The following EDDM3A variants were observed in gnomAD, a reference collection of about 807,000 sequenced individuals.
EDDM3A encodes the protein epididymal protein 3A, also known as epididymal secretory protein E3-alpha.
For missense variants in EDDM3A, 199 were observed against 177.4 expected (o/e 1.12, Z -0.69); for synonymous variants, 75 against 60.4 (o/e 1.24, Z -1.12).
chr14:20,745,424 GT>G (rs1193260344), upstream of EDDM3A, among the ~76,000 whole-genome samples: 1 of 151,706 alleles, frequency 6.6e-6, no homozygotes, highest in Non-Finnish European at 1.5e-5. Context: ...TACTCAGGAG[GT>G]TGAGGCAAGA....
At chr14:20,739,508 G>A in the EDDM3A span, among the ~76,000 whole-genome samples, 32 of 152,168 alleles carry the variant, frequency 2.1e-4, no homozygotes, top group Non-Finnish European at 3.2e-4. Flanking sequence ...TGAGATCCAA[G>A]CTAGGCTAAC....
At chr14:20,746,060 T>A (rs1877576922) in intron 1 of EDDM3A, 68 bp downstream of exon 1, 1 of 152,190 alleles carries the variant, frequency 6.6e-6, no homozygotes, top group Non-Finnish European at 1.5e-5. Flanking sequence ...TGATTGAACT[T>A]TTAGATAGCA....
At chr14:20,745,439 T>C (rs1242990428), upstream of EDDM3A, among the ~76,000 whole-genome samples, 1 of 149,736 alleles carries the variant, frequency 6.7e-6, no homozygotes, top group African/African-American at 2.5e-5. Context: ...GGCAAGAGAA[T>C]GGGGTGAACC....
At chr14:20,737,777 C>A in the EDDM3A span, among the ~76,000 whole-genome samples, 2 of 152,148 alleles carry the variant, frequency 1.3e-5, no homozygotes, top group African/African-American at 4.8e-5. Context: ...GAGAAAGACA[C>A]GTTGGGTTCA....
At chr14:20,742,986 T>C (rs954885289), upstream of EDDM3A, among the ~76,000 whole-genome samples, 3 of 152,206 alleles carry the variant, frequency 2.0e-5, no homozygotes, top group Non-Finnish European at 2.9e-5. Flanking sequence ...CCTCCCACTT[T>C]GACCTTCTCA....
the EDDM3A span, among the ~76,000 whole-genome samples, chr14:20,740,108 C>A: frequency 6.6e-6 from 1 of 152,218 alleles, no homozygotes; most frequent in Admixed American, 6.5e-5. Flanking sequence ...CTCACAAACC[C>A]TACCCTAAAC....
the EDDM3A span, among the ~76,000 whole-genome samples, chr14:20,739,113 C>T: frequency 1.3e-5 from 2 of 152,154 alleles, no homozygotes; most frequent in Admixed American, 6.5e-5. Flanking sequence ...ACAGAGCATA[C>T]CTTGTGGCGG....
upstream of EDDM3A, among the ~76,000 whole-genome samples, chr14:20,744,082 G>A (rs1877513937): frequency 6.6e-6 from 1 of 152,158 alleles, no homozygotes; most frequent in Non-Finnish European, 1.5e-5. Flanking sequence ...ATGCACATTT[G>A]TTGGAAAGAG....
At chr14:20,736,068 G>T in the EDDM3A span, among the ~76,000 whole-genome samples, 3 of 151,060 alleles carry the variant, frequency 2.0e-5, no homozygotes, top group Non-Finnish European at 1.5e-5. Flanking sequence ...ACCTGCCTTG[G>T]TTACAGCTGC....
chr14:20,746,218 T>A (rs1431684432), intron 1 of EDDM3A, among the ~76,000 whole-genome samples: 1 of 152,152 alleles, frequency 6.6e-6, no homozygotes, highest in Non-Finnish European at 1.5e-5. Context: ...TGCATCCTAC[T>A]CTTCTATCTT....
At chr14:20,738,499 A>AAATAAAT in the EDDM3A span, among the ~76,000 whole-genome samples, 1 of 144,438 alleles carries the variant, frequency 6.9e-6, no homozygotes, top group Non-Finnish European at 1.5e-5. Context: ...ATAAATAAAT[A>AAATAAAT]AATAAATAAA....
upstream of EDDM3A, among the ~76,000 whole-genome samples, chr14:20,741,502 C>T (rs954311203): frequency 2.0e-5 from 3 of 152,124 alleles, no homozygotes; most frequent in Non-Finnish European, 4.4e-5. Context: ...GACCATGGCA[C>T]GGACCCACCA....
In EDDM3A at chr14:20,746,001, G is replaced by A. The variant is rs1877574018; in HGVS notation, c.-27+9G>A. On this transcript the variant is annotated intron_variant, in intron 1 of 1. Coordinates refer to ENST00000326842, the MANE Select transcript of EDDM3A (RefSeq NM_006683.5). ...CTCAGAGTCCAAGTAGGGTAAGAAG[G>A]GCTCTGCTGAGGTTGCTCGGGGGAC... 1.3e-5 allele frequency: 2 copies of A among 152,292 alleles called. No homozygotes were observed. Among genetic ancestry groups the A allele is most frequent in the South Asian group, 4.2e-4 (2 of 4,816 alleles). The allele number at this position is 152,292 out of a possible 1,614,324, so 9.4% of individuals were successfully genotyped here.
chr14:20,747,772 C>T lies in EDDM3A; in HGVS notation c.192C>T (p.Ser64=), dbSNP rs1227502558. The T allele has an allele frequency of 6.2e-7, 1 of 1,613,998 alleles. No individual in the cohort carries two copies. Among genetic ancestry groups the T allele is most frequent in the Non-Finnish European group, 8.5e-7 (1 of 1,180,032 alleles). ...AAAAAGAGGCTCTGAAAGGCAAGAG[C>T]TTTCATATGTTCATCTATAGCTTAT... ...MREKEALKGK[S]FHMFIYSLWF... Residue 64 remains serine (S), a synonymous_variant, in exon 2 of 2, where the codon AGC becomes AGT. Transcript: ENST00000326842.
rs568012461 is a variant in EDDM3A at position 20,745,985 on chromosome 14, C to G, written c.-34C>G. On this transcript the variant is annotated 5_prime_UTR_variant, in exon 1 of 2. Transcript: ENST00000326842. ...CAATCAGTGACCTGAACTCAGAGTC[C>G]AAGTAGGGTAAGAAGGGCTCTGCTG... 1.3e-5 allele frequency: 2 copies of G among 152,188 alleles called. No individual in the cohort carries two copies. Among genetic ancestry groups the G allele is most frequent in the East Asian group, 3.9e-4 (2 of 5,170 alleles). The allele number at this position is 152,188 out of a possible 1,614,324, so 9.4% of individuals were successfully genotyped here. A position where few individuals can be genotyped will look rare whatever the true frequency, so the allele number is the denominator to read the frequency against.
chr14:20,743,294 A>T (rs1415835228), upstream of EDDM3A, among the ~76,000 whole-genome samples: 2 of 152,190 alleles, frequency 1.3e-5, no homozygotes, highest in Non-Finnish European at 2.9e-5. Context: ...TCACGCTTTT[A>T]ATCCCAGCAC....
At chr14:20,738,385 C>A in the EDDM3A span, among the ~76,000 whole-genome samples, 1 of 151,782 alleles carries the variant, frequency 6.6e-6, no homozygotes, top group African/African-American at 2.4e-5. Context: ...GCAGAATAAT[C>A]GCTTGAATTT....
At chr14:20,740,957 C>A (rs1321548845), upstream of EDDM3A, among the ~76,000 whole-genome samples, 5 of 152,196 alleles carry the variant, frequency 3.3e-5, no homozygotes, top group Non-Finnish European at 7.3e-5. Flanking sequence ...TGACACAGGG[C>A]AACCCATGGG....
Position 20,745,899 on chromosome 14 carries a change from C to G in EDDM3A, c.-120C>G, listed in dbSNP as rs1034356463. The stretch of plus-strand genomic sequence containing the variant: ...TCTCCACTGCTGTAGATTTCCAGGG[C>G]TCTGAGAAAAGGAGGAGGACGCAGA... On this transcript the variant is annotated 5_prime_UTR_variant, in exon 1 of 2. Transcript: ENST00000326842. 3 of 152,278 alleles carry G rather than the reference C, an allele frequency of 2.0e-5. No homozygotes were observed. The highest frequency in any genetic ancestry group is 2.9e-5 in the Non-Finnish European group (2 of 68,112). 9.4% of individuals were successfully genotyped at this position (152,278 alleles called of 1,614,324 possible).
Sources: gnomAD v4.1 joint callset for allele counts (sites outside exome capture counted in the v4.1 genomes callset) on GRCh38, gnomAD v4.1.1 for gene constraint, MANE v1.5 for transcripts, NCBI Gene and HGNC (gene_info 2026-07-23, HGNC 2026-07-21) for gene names.